USH1C: variants seen among roughly 807,000 people sequenced by gnomAD.
USH1C encodes the protein harmonin.
Under a neutral mutation model 119.3 loss-of-function variants are expected in USH1C, and 90 were observed. That is an observed-to-expected ratio of 0.75 (90% CI 0.64 to 0.90). USH1C has a LOEUF of 0.90. Ranked by LOEUF, USH1C falls within the 40% of genes least tolerant of loss-of-function variation. The probability of loss-of-function intolerance (pLI) is 0.00; values close to 1 mark genes in which losing one functional copy is unlikely to be tolerated. For synonymous variants in USH1C, 465 were observed against 443.3 expected (o/e 1.05, Z -0.62); for missense variants, 1,165 against 1,167.7 (o/e 1.00, Z 0.03).
intron 4 of USH1C, among the ~76,000 whole-genome samples, chr11:17,529,359 G>A (rs1205381926): frequency 2.0e-5 from 3 of 152,208 alleles, no homozygotes; most frequent in Admixed American, 2.0e-4. Flanking sequence ...GGACCCCCAG[G>A]ACTAGGTCCT....
intron 1 of USH1C, among the ~76,000 whole-genome samples, chr11:17,535,164 T>C (rs1851185888): frequency 6.6e-6 from 1 of 152,218 alleles, no homozygotes; most frequent in Admixed American, 6.5e-5. Flanking sequence ...TGTTGCTTGC[T>C]TGCTCAGTAG....
rs1011677940 is a variant in USH1C at position 17,523,511 on chromosome 11, T to C, written c.760-33A>G. 20 of 1,610,636 alleles carry C rather than the reference T, an allele frequency of 1.2e-5. 1 individual carries two copies. Among genetic ancestry groups the C allele is most frequent in the Admixed American group, 1.7e-5 (1 of 59,960 alleles). ...GGAAATGGAGAAAGATTAGTGTGTTTGCGCTATCTGTACACTCGCTCATCT... is the reference window on the plus strand; with the variant it reads ...GGAAATGGAGAAAGATTAGTGTGTTCGCGCTATCTGTACACTCGCTCATCT... On this transcript the variant is annotated intron_variant, in intron 9 of 26. Coordinates refer to ENST00000005226, the MANE Select transcript of USH1C (RefSeq NM_153676.4).
At chr11:17,514,758 A>C (rs1850057892) in intron 15 of USH1C, 1 of 149,678 alleles carries the variant, frequency 6.7e-6, no homozygotes, top group South Asian at 2.1e-4. Flanking sequence ...GGTGAGGCAG[A>C]TGGGGCGATT....
chr11:17,540,735 A>ATCC (rs1299390523), intron 1 of USH1C, among the ~76,000 whole-genome samples: 3 of 152,054 alleles, frequency 2.0e-5, no homozygotes, highest in Admixed American at 6.5e-5. Context: ...TTTAACATGT[A>ATCC]TCCTGAATCC....
chr11:17,512,152 A>G, intron 15 of USH1C, 98 bp from the exon 16 acceptor site: 1 of 1,361,148 alleles, frequency 7.3e-7, no homozygotes, highest in Non-Finnish European at 1.0e-6. Flanking sequence ...CAACCATCCC[A>G]TGGTGAGCCC....
intron 15 of USH1C, among the ~76,000 whole-genome samples, chr11:17,513,533 G>A (rs1388367997): frequency 3.9e-5 from 6 of 152,146 alleles, no homozygotes; most frequent in Non-Finnish European, 8.8e-5. Context: ...ACACACCTCT[G>A]TGTACTGCTA....
chr11:17,523,650 G>A (rs1051402135), intron 9 of USH1C, among the ~76,000 whole-genome samples, 172 bp from the exon 10 acceptor site: 9 of 152,090 alleles, frequency 5.9e-5, no homozygotes, highest in African/African-American at 2.2e-4. Context: ...GCTCTGGGAG[G>A]GCTTAAAGCT....
intron 18 of USH1C, among the ~76,000 whole-genome samples, chr11:17,508,619 A>G (rs1849740202): frequency 6.6e-6 from 1 of 152,220 alleles, no homozygotes; most frequent in African/African-American, 2.4e-5. Context: ...ATGTTTCAAA[A>G]TAGTCTTTGG....
In USH1C at chr11:17,516,297, G is replaced by C. The variant is rs1170094710; in HGVS notation, c.1211-7C>G. 2 of 1,612,428 alleles carry C rather than the reference G, an allele frequency of 1.2e-6. No homozygotes were observed. Among genetic ancestry groups the C allele is most frequent in the African/African-American group, 1.3e-5 (1 of 75,020 alleles). On this transcript the variant is annotated splice_region_variant and splice_polypyrimidine_tract_variant and intron_variant, in intron 14 of 26. Coordinates refer to ENST00000005226, the MANE Select transcript of USH1C (RefSeq NM_153676.4). Reference sequence around the variant, plus strand: ...CGATAAAACCATCCAAAAGCTATAAGACACAGATAACAAAATGATGAGACA... The same window carrying C: ...CGATAAAACCATCCAAAAGCTATAACACACAGATAACAAAATGATGAGACA...
chr11:17,536,797 G>A (rs188999277), intron 1 of USH1C, among the ~76,000 whole-genome samples: 12 of 152,324 alleles, frequency 7.9e-5, no homozygotes, highest in Non-Finnish European at 1.5e-4. Flanking sequence ...TCCATCTACC[G>A]CCATGTCTGA....
intron 14 of USH1C, chr11:17,517,587 G>A: frequency 9.6e-7 from 1 of 1,046,086 alleles, no homozygotes; most frequent in Admixed American, 2.0e-5. Flanking sequence ...CTCCATGGGA[G>A]CTGTGAGGTC....
intron 14 of USH1C, among the ~76,000 whole-genome samples, chr11:17,517,956 T>G (rs1488219017): frequency 6.6e-6 from 1 of 152,012 alleles, no homozygotes; most frequent in African/African-American, 2.4e-5. Context: ...CCTGAGGAGG[T>G]GGGGACATCC....
intron 12 of USH1C, among the ~76,000 whole-genome samples, chr11:17,522,379 C>T (rs958415304): frequency 6.6e-6 from 1 of 152,190 alleles, no homozygotes. Flanking sequence ...TCAGTCTCCA[C>T]ACCTCTAAAA....
chr11:17,498,458 T>C (rs1169918226), intron 23 of USH1C, among the ~76,000 whole-genome samples, 187 bp from the exon 24 acceptor site: 1 of 152,190 alleles, frequency 6.6e-6, no homozygotes, highest in Non-Finnish European at 1.5e-5. Flanking sequence ...AAAGGGCATT[T>C]AGTCCCTGTC....
At chr11:17,528,333 T>A (rs1198155754) in intron 4 of USH1C, among the ~76,000 whole-genome samples, 2 of 152,090 alleles carry the variant, frequency 1.3e-5, no homozygotes, top group Non-Finnish European at 2.9e-5. Context: ...TACTGCCGGC[T>A]CCTCCAGGCA....
chr11:17,509,483 G>A lies in USH1C; in HGVS notation c.1886C>T (p.Ala629Val). ...TRPLPSALEE[A>V]LSNHPFRTGD... Reference sequence around the variant, plus strand: ...AGTGCGGAAGGGATGGTTGCTCAGTGCTTCTTCCAGCGCCGAGGGCAGTGG... The same window carrying A: ...AGTGCGGAAGGGATGGTTGCTCAGTACTTCTTCCAGCGCCGAGGGCAGTGG... The change falls in exon 18 of 27, where the codon GCA becomes GTA. Residue 629 changes from alanine (A) to valine (V), a missense_variant. Ala to Val is a moderately conservative substitution (Grantham distance 64). Coordinates refer to ENST00000005226, the MANE Select transcript of USH1C (RefSeq NM_153676.4). 6.2e-7 allele frequency: 1 copy of A among 1,611,812 alleles called. No homozygotes were observed. The highest frequency in any genetic ancestry group is 8.5e-7 in the Non-Finnish European group (1 of 1,179,434).
chr11:17,494,484 G>A, intron 26 of USH1C, 108 bp from the exon 27 acceptor site: 1 of 1,302,200 alleles, frequency 7.7e-7, no homozygotes, highest in Non-Finnish European at 1.1e-6. Context: ...GGCAGCACAA[G>A]GCCCTGCCAC....
intron 1 of USH1C, among the ~76,000 whole-genome samples, chr11:17,540,772 C>T (rs2133959840): frequency 6.6e-6 from 1 of 152,292 alleles, no homozygotes; most frequent in East Asian, 1.9e-4. Context: ...AGTCCGAGCC[C>T]CTGCCTCTGG....
intron 18 of USH1C, among the ~76,000 whole-genome samples, chr11:17,507,966 C>T (rs1006456166): frequency 6.6e-6 from 1 of 152,188 alleles, no homozygotes; most frequent in African/African-American, 2.4e-5. Flanking sequence ...GGCAGCAGCT[C>T]ATCCTTCAGA....
Sources: allele counts gnomAD v4.1 joint callset (sites outside exome capture counted in the v4.1 genomes callset), GRCh38; gene constraint gnomAD v4.1.1; transcripts MANE v1.5; gene names NCBI Gene and HGNC (gene_info 2026-07-23, HGNC 2026-07-21).